NAA16: variants seen among roughly 807,000 people sequenced by gnomAD.
NAA16 encodes NARG1-like protein.
A neutral mutation model predicts 110.3 loss-of-function variants in NAA16; 97 were observed. The observed-to-expected ratio is 0.88, with a 90% confidence interval of 0.75 to 1.04. NAA16 has a LOEUF of 1.04. NAA16 is among the 50% of genes least tolerant of loss of function. NAA16 has a pLI of 0.00. For missense variants in NAA16, 1,017 were observed against 1,005.1 expected, an observed-to-expected ratio of 1.01 and a Z score of -0.16; for synonymous variants, 372 against 330.6, an observed-to-expected ratio of 1.13 and a Z score of -1.36.
At chr13:41,373,951 A>G (rs2043376035) in intron 18 of NAA16, 171 bp downstream of exon 18, 2 of 1,076,928 alleles carry the variant, frequency 1.9e-6, no homozygotes, top group South Asian at 4.6e-5. Flanking sequence ...GGATGGATTC[A>G]CAGGATGTAA....
intron 15 of NAA16, among the ~76,000 whole-genome samples, chr13:41,371,540 C>G (rs2043317389): frequency 4.6e-5 from 7 of 152,200 alleles, no homozygotes; most frequent in Admixed American, 4.6e-4. Flanking sequence ...TGATGATCCA[C>G]TTCCACTTAA....
At chr13:41,366,191 G>A (rs977742254) in intron 13 of NAA16, among the ~76,000 whole-genome samples, 1 of 152,082 alleles carries the variant, frequency 6.6e-6, no homozygotes, top group Non-Finnish European at 1.5e-5. Context: ...AAACTAATGT[G>A]AAATGTTCAC....
intron 4 of NAA16, among the ~76,000 whole-genome samples, chr13:41,321,996 G>A (rs2041959135): frequency 6.6e-6 from 1 of 152,154 alleles, no homozygotes; most frequent in South Asian, 2.1e-4. Flanking sequence ...CTTAGATGTG[G>A]TTGGAGTTAA....
At chr13:41,372,156 C>A in intron 15 of NAA16, 47 bp from the exon 16 acceptor site, 1 of 1,386,298 alleles carries the variant, frequency 7.2e-7, no homozygotes, top group African/African-American at 1.5e-5. Flanking sequence ...GGAAATTTGA[C>A]TTGTTCTGAT....
chr13:41,361,967 G>A, intron 12 of NAA16, 64 bp from the exon 13 acceptor site: 1 of 1,567,162 alleles, frequency 6.4e-7, no homozygotes, highest in Non-Finnish European at 8.7e-7. Flanking sequence ...GTTGTAAAGA[G>A]GAAATGATTT....
chr13:41,321,886 A>G (rs1703598977), intron 4 of NAA16, among the ~76,000 whole-genome samples: 1 of 152,172 alleles, frequency 6.6e-6, no homozygotes, highest in African/African-American at 2.4e-5. Flanking sequence ...CCCCATGCCT[A>G]GATTTTTGCA....
Position 41,355,209 on chromosome 13 carries a change from C to G in NAA16, c.1080C>G (p.Ser360Arg), listed in dbSNP as rs765557946. ...CTCTTAAAACGTGTGACTTTTTTAGCCCATATGGTAAGTTTAAATTAGATT... is the reference window on the plus strand; with the variant it reads ...CTCTTAAAACGTGTGACTTTTTTAGGCCATATGGTAAGTTTAAATTAGATT... The part of the protein sequence containing the change: ...EASLKTCDFF[S>R]PYENGEKEPP... Residue 360 changes from serine to arginine, a missense_variant, in exon 10 of 20, where the codon AGC (serine) becomes AGG (arginine). Transcript: ENST00000379406. 1.3e-6 allele frequency: 2 copies of G among 1,571,314 alleles called. No homozygotes were observed. Among genetic ancestry groups the G allele is most frequent in the Non-Finnish European group, 1.7e-6 (2 of 1,152,980 alleles).
intron 9 of NAA16, among the ~76,000 whole-genome samples, chr13:41,353,947 A>G (rs943200766): frequency 2.0e-5 from 3 of 152,216 alleles, no homozygotes; most frequent in African/African-American, 7.2e-5. Context: ...TAAAAAAGAA[A>G]ACACAAAGAA....
At chr13:41,355,017 C>T (rs779090613) in intron 9 of NAA16, 127 bp from the exon 10 acceptor site, 11 of 570,560 alleles carry the variant, frequency 1.9e-5, no homozygotes, top group Non-Finnish European at 3.3e-5. Context: ...AGCAGATACC[C>T]TAGTCTTTTA....
In NAA16 at chr13:41,376,974, C is replaced by T. The variant is rs555117869; in HGVS notation, c.*1372C>T. ...CATACTTATTGAGACGGGAAAAACTCGCTGTAAAATAATGCCAACCTAGAT... is the reference window on the plus strand; with the variant it reads ...CATACTTATTGAGACGGGAAAAACTTGCTGTAAAATAATGCCAACCTAGAT... On this transcript the variant is annotated 3_prime_UTR_variant, in exon 20 of 20. Coordinates refer to ENST00000379406, the MANE Select transcript of NAA16 (RefSeq NM_024561.5). 7.2e-5 allele frequency: 11 copies of T among 152,240 alleles called. No homozygotes were observed. The highest frequency in any genetic ancestry group is 2.6e-4 in the African/African-American group (11 of 41,540). 9.4% of individuals were successfully genotyped at this position (152,240 alleles called of 1,614,324 possible).
At chr13:41,373,915 G>C (rs9525478) in intron 18 of NAA16, 135 bp downstream of exon 18, 986,313 of 1,349,998 alleles carry the variant, frequency 0.73, 368,419 homozygotes, top group South Asian at 0.78. Context: ...ACAAATTTAA[G>C]TTATGTTCAA....
Position 41,369,107 on chromosome 13 carries a change from G to T in NAA16, c.1771G>T (p.Glu591Ter). The change falls in exon 15 of 20, where the codon GAA becomes TAA. Residue 591 changes from glutamate to a stop codon, truncating the protein, a stop_gained. Transcript: ENST00000379406. LOFTEE classifies it high-confidence loss of function. ...ATTTATAGAAAACTTGTCAGCCAAA[G>T]AATTGAAGAAAATGCTTAGCAAGCA... ...EINSENLSAK[E>*]LKKMLSKQRR... is the part of the protein sequence containing the mutation. The T allele has an allele frequency of 1.3e-6, 2 of 1,563,326 alleles. No individual in the cohort carries two copies. The highest frequency in any genetic ancestry group is 2.3e-5 in the East Asian group (1 of 44,160).
rs183389317 is a variant in NAA16 at position 41,342,979 on chromosome 13, A to C, written c.1014+6223A>C. On this transcript the variant is annotated intron_variant, in intron 9 of 19. Coordinates refer to ENST00000379406, the MANE Select transcript of NAA16 (RefSeq NM_024561.5). ...TTTTCATCAAAAAAGTGCTATAATTACAATATAGAAAATTTGGAAAACAGA... is the reference window on the plus strand; with the variant it reads ...TTTTCATCAAAAAAGTGCTATAATTCCAATATAGAAAATTTGGAAAACAGA... Among the ~76,000 whole-genome samples, 5 of 150,882 alleles carry C rather than the reference A, an allele frequency of 3.3e-5. No individual in the cohort carries two copies. The East Asian group carries it at 9.9e-4, about 30-fold the overall frequency.
At chr13:41,349,546 G>T (rs2042772051) in intron 9 of NAA16, among the ~76,000 whole-genome samples, 2 of 151,966 alleles carry the variant, frequency 1.3e-5, no homozygotes, top group African/African-American at 2.4e-5. Flanking sequence ...TGCTGATTTA[G>T]TGAGGAAAAA....
intron 9 of NAA16, among the ~76,000 whole-genome samples, chr13:41,349,574 T>TA (rs531528374): frequency 1.0e-3 from 156 of 152,308 alleles, no homozygotes; most frequent in Admixed American, 7.0e-3. Flanking sequence ...TCTTGAAGGA[T>TA]AAAAATCTGT....
intron 10 of NAA16, among the ~76,000 whole-genome samples, chr13:41,357,878 T>C (rs1201616268): frequency 2.0e-5 from 3 of 152,230 alleles, no homozygotes; most frequent in Admixed American, 6.5e-5. Context: ...TGATTTAGTA[T>C]TGAGGCCTGG....
At chr13:41,314,206 G>C (rs542679902) in intron 1 of NAA16, among the ~76,000 whole-genome samples, 4 of 152,206 alleles carry the variant, frequency 2.6e-5, no homozygotes, top group Admixed American at 6.5e-5. Context: ...AAAAATAACA[G>C]TGTCTGGACG....
At position 41,331,309 on chromosome 13, in the gene NAA16, A is replaced by G. The variant is rs750065753; in HGVS notation, c.847A>G (p.Ile283Val). Reference protein sequence around the residue: ...LEERLQIYEEISKQHPKAITP... With the variant: ...LEERLQIYEEVSKQHPKAITP... ...AGAGAGGCTTCAAATTTATGAAGAA[A>G]TTAGTAAGCAGCACCCCAAAGCAAT... The change falls in exon 8 of 20, where the codon ATT (isoleucine) becomes GTT (valine). Residue 283 changes from isoleucine (I) to valine (V), a missense_variant. Coordinates refer to ENST00000379406, the MANE Select transcript of NAA16 (RefSeq NM_024561.5). 2.9e-5 allele frequency: 46 copies of G among 1,610,250 alleles called. No homozygotes were observed. The highest frequency in any genetic ancestry group is 3.7e-5 in the Non-Finnish European group (44 of 1,177,674).
Position 41,369,211 on chromosome 13 carries a change from G to GA in NAA16, c.1882dup (p.Arg628LysfsTer3). ...GAGAACGTCAACAGAAAAATCAAAA[G>GA]AAAAAAAGAGATGAAGAAGAAGAAG... On this transcript the variant is annotated frameshift_variant, in exon 15 of 20. Transcript: ENST00000379406. LOFTEE classifies it high-confidence loss of function. 1.9e-6 allele frequency: 3 copies of GA among 1,594,464 alleles called. No individual in the cohort carries two copies. Among genetic ancestry groups the GA allele is most frequent in the Non-Finnish European group, 2.6e-6 (3 of 1,173,204 alleles).
Sources: gnomAD v4.1 joint callset for allele counts (sites outside exome capture counted in the v4.1 genomes callset) on GRCh38, gnomAD v4.1.1 for gene constraint, MANE v1.5 for transcripts, NCBI Gene and HGNC (gene_info 2026-07-23, HGNC 2026-07-21) for gene names.